MAN1C1: variants seen among roughly 807,000 people sequenced by gnomAD.
MAN1C1 encodes mannosidase alpha class 1C member 1.
Under a neutral mutation model 71.5 loss-of-function variants are expected in MAN1C1, and 49 were observed. That is an observed-to-expected ratio of 0.69 (90% CI 0.54 to 0.87). MAN1C1 has a LOEUF of 0.87. Ranked by LOEUF, MAN1C1 falls within the 40% of genes least tolerant of loss-of-function variation. The pLI is 0.00. For synonymous variants in MAN1C1, 352 were observed against 343.7 expected (o/e 1.02, Z -0.27); for missense variants, 743 against 835.0 (o/e 0.89, Z 1.36).
chr1:25,689,459 C>A (rs2046277893), intron 2 of MAN1C1, among the ~76,000 whole-genome samples: 4 of 152,130 alleles, frequency 2.6e-5, no homozygotes, highest in Admixed American at 2.6e-4. Flanking sequence ...ACAAATAGAA[C>A]CTGTTCGTAG....
chr1:25,638,369 A>G (rs1268207991), intron 1 of MAN1C1, among the ~76,000 whole-genome samples: 1 of 152,192 alleles, frequency 6.6e-6, no homozygotes. Flanking sequence ...TATGTATGTT[A>G]TAAACCTCAC....
chr1:25,685,239 A>C (rs1557764646), intron 1 of MAN1C1, among the ~76,000 whole-genome samples: 1 of 152,262 alleles, frequency 6.6e-6, no homozygotes, highest in Non-Finnish European at 1.5e-5. Context: ...CAGCTGATGC[A>C]ACTGATTTCA....
At chr1:25,719,395 T>TTTTA (rs76291035) in intron 2 of MAN1C1, among the ~76,000 whole-genome samples, 2,322 of 139,968 alleles carry the variant, frequency 0.017, 18 homozygotes, top group East Asian at 0.023. Flanking sequence ...ATTTTTTATC[T>TTTTA]TTTATTTATT....
intron 1 of MAN1C1, among the ~76,000 whole-genome samples, chr1:25,674,850 A>C (rs868376203): frequency 6.6e-6 from 1 of 152,198 alleles, no homozygotes. Flanking sequence ...ATAAATTTGC[A>C]CTTCAAATAA....
chr1:25,713,984 TA>T (rs1317648866), intron 2 of MAN1C1, among the ~76,000 whole-genome samples: 10 of 152,186 alleles, frequency 6.6e-5, no homozygotes, highest in Non-Finnish European at 1.2e-4. Context: ...TTTCCTTAAA[TA>T]CCACTCATTT....
chr1:25,770,551 C>G (rs1049388221), intron 7 of MAN1C1, among the ~76,000 whole-genome samples: 2 of 152,194 alleles, frequency 1.3e-5, no homozygotes, highest in Non-Finnish European at 2.9e-5. Flanking sequence ...CTTGGATGAG[C>G]CATTTAGGCC....
At chr1:25,636,754 A>G (rs1309825291) in intron 1 of MAN1C1, among the ~76,000 whole-genome samples, 4 of 152,242 alleles carry the variant, frequency 2.6e-5, no homozygotes, top group Non-Finnish European at 5.9e-5. Flanking sequence ...AGGCATAAGA[A>G]ATTATAAAAG....
intron 2 of MAN1C1, among the ~76,000 whole-genome samples, chr1:25,695,232 G>T (rs945285116): frequency 6.6e-6 from 1 of 152,134 alleles, no homozygotes; most frequent in African/African-American, 2.4e-5. Context: ...CTTTGTAAGT[G>T]GTGATGTTGC....
intron 1 of MAN1C1, among the ~76,000 whole-genome samples, chr1:25,668,379 G>A (rs867570704): frequency 6.6e-6 from 1 of 151,962 alleles, no homozygotes; most frequent in South Asian, 2.1e-4. Flanking sequence ...GAAGGCAGCC[G>A]CCATTCCTAT....
chr1:25,773,740 C>CT (rs567228314), intron 8 of MAN1C1, among the ~76,000 whole-genome samples: 91 of 152,328 alleles, frequency 6.0e-4, no homozygotes, highest in Non-Finnish European at 1.1e-3. Context: ...ACTCAGAGCA[C>CT]TTGATTTTGT....
At chr1:25,627,976 G>A (rs2045323921) in intron 1 of MAN1C1, among the ~76,000 whole-genome samples, 1 of 152,138 alleles carries the variant, frequency 6.6e-6, no homozygotes, top group African/African-American at 2.4e-5. Flanking sequence ...TGAGCCAGGA[G>A]GTTGAGTCTG....
intron 2 of MAN1C1, among the ~76,000 whole-genome samples, chr1:25,689,032 T>C (rs1166323770): frequency 6.6e-6 from 1 of 152,082 alleles, no homozygotes; most frequent in African/African-American, 2.4e-5. Context: ...GGCTGGCACC[T>C]GGGAAAGGGA....
chr1:25,685,609 T>G (rs1444111143), intron 1 of MAN1C1, among the ~76,000 whole-genome samples: 2 of 152,234 alleles, frequency 1.3e-5, no homozygotes, highest in Admixed American at 6.5e-5. Context: ...TCCTGAGAGC[T>G]GATGCAGCTG....
At chr1:25,620,234 G>A (rs1486494793) in intron 1 of MAN1C1, among the ~76,000 whole-genome samples, 1 of 152,222 alleles carries the variant, frequency 6.6e-6, no homozygotes, top group African/African-American at 2.4e-5. Context: ...GAAGGTCTAA[G>A]TTGGTGACCA....
At chr1:25,723,970 T>C (rs2046799926) in intron 2 of MAN1C1, among the ~76,000 whole-genome samples, 1 of 151,366 alleles carries the variant, frequency 6.6e-6, no homozygotes, top group African/African-American at 2.4e-5. Flanking sequence ...TTTAGGTAAC[T>C]CAGGAGTCTT....
intron 2 of MAN1C1, among the ~76,000 whole-genome samples, chr1:25,736,829 A>AT (rs1299520112): frequency 6.6e-6 from 1 of 152,190 alleles, no homozygotes; most frequent in African/African-American, 2.4e-5. Flanking sequence ...ACCCCGGCTC[A>AT]TTATCCCATT....
intron 2 of MAN1C1, among the ~76,000 whole-genome samples, chr1:25,736,951 T>C (rs1172976317): frequency 6.6e-6 from 1 of 152,222 alleles, no homozygotes; most frequent in African/African-American, 2.4e-5. Flanking sequence ...CTGTCTTCCC[T>C]ATCCAGGCCT....
At chr1:25,768,245 CAT>C (rs1259588243) in intron 7 of MAN1C1, among the ~76,000 whole-genome samples, 24 of 42,252 alleles carry the variant, frequency 5.7e-4, no homozygotes, top group Non-Finnish European at 8.1e-4. Context: ...CCCTCACACA[CAT>C]CCACACTCCC....
At chr1:25,781,169 G>A (rs1025136020) in intron 10 of MAN1C1, 57 bp downstream of exon 10, 3 of 1,586,200 alleles carry the variant, frequency 1.9e-6, no homozygotes, top group Non-Finnish European at 2.6e-6. Context: ...GAATTTACAG[G>A]CTGGGTGCTA....
Sources: allele counts gnomAD v4.1 joint callset (sites outside exome capture counted in the v4.1 genomes callset), GRCh38; gene constraint gnomAD v4.1.1; transcripts MANE v1.5; gene names NCBI Gene and HGNC (gene_info 2026-07-23, HGNC 2026-07-21).